The following SMC5 variants were observed in gnomAD, a reference collection of about 807,000 sequenced individuals.
SMC5 encodes structural maintenance of chromosomes 5.
Under a neutral mutation model 148.3 loss-of-function variants are expected in SMC5, and 88 were observed. The ratio of observed to expected loss-of-function variants is 0.59; its 90% confidence interval spans 0.50 to 0.71. The LOEUF (loss-of-function observed/expected upper bound fraction) is 0.71, where lower values mean the gene tolerates loss of function less well. SMC5 is among the 30% of genes least tolerant of loss of function. The pLI is 0.00. For missense variants in SMC5, 1,142 were observed against 1,298.9 expected, an observed-to-expected ratio of 0.88 and a Z score of 1.86; for synonymous variants, 421 against 432.8, an observed-to-expected ratio of 0.97 and a Z score of 0.34.
chr9:70,314,001 A>T (rs1435814201), intron 11 of SMC5, among the ~76,000 whole-genome samples: 2 of 152,136 alleles, frequency 1.3e-5, no homozygotes, highest in Non-Finnish European at 2.9e-5. Context: ...TTAGCCTTCC[A>T]CTTGTTGCTT....
chr9:70,272,522 G>A lies in SMC5; in HGVS notation c.380+4547G>A, dbSNP rs77245326. 4.6e-5 allele frequency among the ~76,000 whole-genome samples: 7 copies of A among 152,092 alleles called. No individual in the cohort carries two copies. The East Asian group carries it at 1.2e-3, about 25-fold the overall frequency. ...CTTGAACTCAGGAATTCACCAACCT[G>A]GGCAACATAGCGAGACTCCATCTCC... On this transcript the variant is annotated intron_variant, in intron 3 of 24. Coordinates refer to ENST00000361138, the MANE Select transcript of SMC5 (RefSeq NM_015110.4).
At chr9:70,305,807 C>A (rs2035480149) in intron 11 of SMC5, among the ~76,000 whole-genome samples, 2 of 152,024 alleles carry the variant, frequency 1.3e-5, no homozygotes, top group South Asian at 4.2e-4. Context: ...AGAGAAAGGC[C>A]ACTAAGAATC....
intron 18 of SMC5, chr9:70,346,369 T>C (rs2118829858): frequency 1.8e-6 from 1 of 567,108 alleles, no homozygotes; most frequent in South Asian, 2.4e-5. Flanking sequence ...ATATAGCCTT[T>C]GCAGGTTGTG....
rs1477076829 is a variant in SMC5, at chr9:70,353,505, T to A, written c.*1174T>A. On this transcript the variant is annotated 3_prime_UTR_variant, in exon 25 of 25. Transcript: ENST00000361138. ...CAAAGTCATGTCTTTGAACAGTGGA[T>A]TGGATCTGTGCCAGTAATGACAAAA... 6.6e-6 allele frequency: 1 copy of A among 152,204 alleles called. No individual in the cohort carries two copies. Among genetic ancestry groups the A allele is most frequent in the African/African-American group, 2.4e-5 (1 of 41,460 alleles). 9.4% of individuals were successfully genotyped at this position (152,204 alleles called of 1,614,324 possible).
At chr9:70,304,029 C>G (rs549297156) in intron 10 of SMC5, among the ~76,000 whole-genome samples, 128 of 152,262 alleles carry the variant, frequency 8.4e-4, no homozygotes, top group African/African-American at 3.0e-3. Flanking sequence ...TTTTCCCTAG[C>G]TTGTCTTAGT....
intron 8 of SMC5, among the ~76,000 whole-genome samples, chr9:70,291,826 T>C (rs2035067329): frequency 6.6e-6 from 1 of 151,734 alleles, no homozygotes; most frequent in East Asian, 2.0e-4. Flanking sequence ...ATTTATTAGG[T>C]TGGTGCAAAA....
intron 17 of SMC5, among the ~76,000 whole-genome samples, chr9:70,327,978 G>A (rs1472429287): frequency 6.6e-6 from 1 of 152,090 alleles, no homozygotes; most frequent in African/African-American, 2.4e-5. Flanking sequence ...GGCAGAGTAG[G>A]AGAGAGGATG....
chr9:70,280,336 A>G (rs983478424), intron 5 of SMC5, among the ~76,000 whole-genome samples: 2 of 152,244 alleles, frequency 1.3e-5, no homozygotes, highest in Non-Finnish European at 2.9e-5. Context: ...CCTTTCAGTC[A>G]TGAGTGTTCA....
At chr9:70,279,788 G>A (rs1286120592) in intron 5 of SMC5, among the ~76,000 whole-genome samples, 1 of 142,792 alleles carries the variant, frequency 7.0e-6, no homozygotes, top group African/African-American at 2.6e-5. Flanking sequence ...TTGCACTCCA[G>A]CCTGGGCAAC....
In SMC5 at chr9:70,320,867, A is replaced by G. The variant is rs947301744; in HGVS notation, c.2150+1904A>G. Among the ~76,000 whole-genome samples, 10 of 152,372 alleles carry G rather than the reference A, an allele frequency of 6.6e-5. No individual in the cohort carries two copies. The East Asian group carries it at 1.9e-3, about 29-fold the overall frequency. Reference sequence around the variant, plus strand: ...AATTTCAATTGCATGGCAGTGAAGAATCTAAGAACTAGTATACTTTGGTGC... The same window carrying G: ...AATTTCAATTGCATGGCAGTGAAGAGTCTAAGAACTAGTATACTTTGGTGC... On this transcript the variant is annotated intron_variant, in intron 15 of 24. Coordinates refer to ENST00000361138, the MANE Select transcript of SMC5 (RefSeq NM_015110.4).
intron 3 of SMC5, among the ~76,000 whole-genome samples, chr9:70,274,394 T>C (rs2034532547): frequency 6.6e-6 from 1 of 151,890 alleles, no homozygotes; most frequent in African/African-American, 2.4e-5. Context: ...AATTCAACTT[T>C]CTGTTGTTAG....
chr9:70,307,775 A>T (rs1321263287), intron 11 of SMC5, among the ~76,000 whole-genome samples: 1 of 152,136 alleles, frequency 6.6e-6, no homozygotes, highest in Non-Finnish European at 1.5e-5. Flanking sequence ...AAGTGCTGGG[A>T]TTACAGACGT....
intron 10 of SMC5, among the ~76,000 whole-genome samples, chr9:70,303,631 T>C (rs2035420800): frequency 6.6e-6 from 1 of 152,226 alleles, no homozygotes; most frequent in Non-Finnish European, 1.5e-5. Context: ...ATTTTAATTA[T>C]ATTATCTCTT....
At chr9:70,349,326 C>A (rs1001151194) in intron 22 of SMC5, among the ~76,000 whole-genome samples, 1 of 152,146 alleles carries the variant, frequency 6.6e-6, no homozygotes, top group African/African-American at 2.4e-5. Flanking sequence ...CTCGGCCTCC[C>A]AAATTGCTGG....
chr9:70,344,446 C>G, intron 18 of SMC5, 177 bp downstream of exon 18: 2 of 266,848 alleles, frequency 7.5e-6, no homozygotes, highest in Non-Finnish European at 7.0e-6. Context: ...CTTAAGAGAT[C>G]AATGGTATTG....
At chr9:70,338,295 G>A (rs1342093081) in intron 17 of SMC5, among the ~76,000 whole-genome samples, 1 of 152,188 alleles carries the variant, frequency 6.6e-6, no homozygotes, top group African/African-American at 2.4e-5. Flanking sequence ...ACAGGCATGT[G>A]CCACCATGCC....
At chr9:70,306,542 G>A (rs756976009) in intron 11 of SMC5, among the ~76,000 whole-genome samples, 2 of 152,208 alleles carry the variant, frequency 1.3e-5, no homozygotes, top group African/African-American at 2.4e-5. Context: ...AAAGAGCTCA[G>A]TGGAGAAGTC....
intron 11 of SMC5, among the ~76,000 whole-genome samples, chr9:70,306,596 A>G (rs2035506170): frequency 6.6e-6 from 1 of 152,228 alleles, no homozygotes; most frequent in Non-Finnish European, 1.5e-5. Context: ...ATACATTGTA[A>G]AGGGCATGCA....
chr9:70,277,564 A>C (rs1587629842), intron 4 of SMC5, 92 bp downstream of exon 4: 1 of 964,418 alleles, frequency 1.0e-6, no homozygotes, highest in East Asian at 2.8e-5. Flanking sequence ...ACTGCTATTT[A>C]AATTGAACAT....
Sources: gnomAD v4.1 joint callset for allele counts (sites outside exome capture counted in the v4.1 genomes callset) on GRCh38, gnomAD v4.1.1 for gene constraint, MANE v1.5 for transcripts, NCBI Gene and HGNC (gene_info 2026-07-23, HGNC 2026-07-21) for gene names.